Variants in VPS13D observed in about 807,000 individuals in gnomAD.
The protein encoded by VPS13D is intermembrane lipid transfer protein VPS13D.
Under a neutral mutation model 461.9 loss-of-function variants are expected in VPS13D, and 187 were observed. That is an observed-to-expected ratio of 0.40 (90% CI 0.36 to 0.46). The LOEUF (loss-of-function observed/expected upper bound fraction) is 0.46. VPS13D is among the 20% of genes least tolerant of loss of function. The pLI, the probability that VPS13D is intolerant of heterozygous loss-of-function variation, is 0.60. For synonymous variants in VPS13D, 1,951 were observed against 1,986.3 expected, an observed-to-expected ratio of 0.98 and a Z score of 0.47; for missense variants, 4,711 against 5,364.9, an observed-to-expected ratio of 0.88 and a Z score of 3.81.
intron 31 of VPS13D, among the ~76,000 whole-genome samples, 190 bp downstream of exon 31, chr1:12,318,527 A>C (rs1300227439): frequency 6.6e-6 from 1 of 152,112 alleles, no homozygotes; most frequent in Non-Finnish European, 1.5e-5. Flanking sequence ...GGCCCACTGA[A>C]GACTGCGGGG....
intron 35 of VPS13D, 146 bp from the exon 36 acceptor site, chr1:12,327,502 T>C (rs960579497): frequency 3.3e-5 from 7 of 212,732 alleles, no homozygotes; most frequent in Non-Finnish European, 5.8e-5. Flanking sequence ...CCTCCTTTTT[T>C]ATTAAGTCCA....
intron 10 of VPS13D, among the ~76,000 whole-genome samples, chr1:12,260,210 A>G (rs751407600): frequency 1.4e-4 from 22 of 151,774 alleles, no homozygotes; most frequent in Non-Finnish European, 2.6e-4. Context: ...TATTTTTAGT[A>G]GAGACGGGGT....
chr1:12,355,844 G>A (rs1643880822), intron 47 of VPS13D, 55 bp from the exon 48 acceptor site: 26 of 1,441,386 alleles, frequency 1.8e-5, no homozygotes, highest in South Asian at 6.3e-5. Flanking sequence ...TTTGCTGTGA[G>A]CTATTTTGAC....
chr1:12,423,821 CA>C (rs951194439), intron 65 of VPS13D, among the ~76,000 whole-genome samples: 5 of 152,184 alleles, frequency 3.3e-5, no homozygotes, highest in African/African-American at 4.8e-5. Context: ...GTTTAAGAAA[CA>C]GCATTTTTTG....
At chr1:12,483,388 G>A (rs957676838) in intron 67 of VPS13D, among the ~76,000 whole-genome samples, 5 of 152,094 alleles carry the variant, frequency 3.3e-5, no homozygotes, top group Admixed American at 3.3e-4. Context: ...TGTTTCAGTT[G>A]GCCATTTGGA....
Position 12,497,396 on chromosome 1 carries a change from A to C in VPS13D, c.12663-104A>C, listed in dbSNP as rs1570286319. On this transcript the variant is annotated intron_variant, in intron 67 of 69. Transcript: ENST00000620676. ...TAGGTTAATTCTGTTCACTAAATGT[A>C]AAGTATGTCTCGTATTACAGAGTGC... 8 of 1,373,736 alleles carry C rather than the reference A, an allele frequency of 5.8e-6. No individual in the cohort carries two copies. The East Asian group carries it at 2.0e-4, about 34-fold the overall frequency. The allele number at this position is 1,373,736 out of a possible 1,614,324, so 85.1% of individuals were successfully genotyped here.
chr1:12,391,380 G>A (rs1644424500), intron 60 of VPS13D, among the ~76,000 whole-genome samples: 1 of 152,208 alleles, frequency 6.6e-6, no homozygotes, highest in Non-Finnish European at 1.5e-5. Flanking sequence ...GAAGCCATCA[G>A]TGCAGGCTAG....
At position 12,349,759 on chromosome 1, in the gene VPS13D, A is replaced by G. The variant is rs143354491; in HGVS notation, c.9431+385A>G. Reference sequence around the variant, plus strand: ...GGAGTTTTTTGAATGAGAGATTTCAAAATAATTTGAAGGTTTATGTACCTC... The same window carrying G: ...GGAGTTTTTTGAATGAGAGATTTCAGAATAATTTGAAGGTTTATGTACCTC... On this transcript the variant is annotated intron_variant, in intron 46 of 69. Coordinates refer to ENST00000620676, the MANE Select transcript of VPS13D (RefSeq NM_015378.4). 2.6e-3 allele frequency among the ~76,000 whole-genome samples: 391 copies of G among 152,340 alleles called. 1 individual carries two copies. Among genetic ancestry groups the G allele is most frequent in the Admixed American group, 4.2e-3 (65 of 15,302 alleles).
At chr1:12,263,295 G>A (rs777983645) in intron 13 of VPS13D, among the ~76,000 whole-genome samples, 1 of 152,118 alleles carries the variant, frequency 6.6e-6, no homozygotes, top group Non-Finnish European at 1.5e-5. Flanking sequence ...ACCATGGGAG[G>A]GATGCTTGTT....
chr1:12,301,858 A>T (rs1642433069), intron 25 of VPS13D, among the ~76,000 whole-genome samples: 1 of 152,196 alleles, frequency 6.6e-6, no homozygotes, highest in East Asian at 1.9e-4. Context: ...GGAGATTCCA[A>T]GGGTCTTGGA....
chr1:12,363,389 T>G, intron 52 of VPS13D, 142 bp downstream of exon 52: 1 of 851,904 alleles, frequency 1.2e-6, no homozygotes, highest in Non-Finnish European at 1.8e-6. Context: ...CAGGGAAGTG[T>G]GAGGGGATAA....
chr1:12,348,985 T>C lies in VPS13D; in HGVS notation c.9220+12T>C. 6.2e-7 allele frequency: 1 copy of C among 1,614,154 alleles called. No homozygotes were observed. The highest frequency in any genetic ancestry group is 1.1e-5 in the South Asian group (1 of 91,078). On this transcript the variant is annotated intron_variant, in intron 45 of 69. Coordinates refer to ENST00000620676, the MANE Select transcript of VPS13D (RefSeq NM_015378.4). Reference sequence around the variant, plus strand: ...ATCAGCTCCAGACAGTATGTTTTGATTGTCTAGCATATAGTAAATGCTGAT... The same window carrying C: ...ATCAGCTCCAGACAGTATGTTTTGACTGTCTAGCATATAGTAAATGCTGAT...
rs1041356766 is a variant in VPS13D, at chr1:12,451,440, T to C, written c.12334-4558T>C. Among the ~76,000 whole-genome samples the C allele has an allele frequency of 3.9e-5, 6 of 152,350 alleles. No individual in the cohort carries two copies. In the East Asian group the frequency reaches 1.2e-3, roughly 29 times the overall value. On this transcript the variant is annotated intron_variant, in intron 65 of 69. Transcript: ENST00000620676. ...AGTGAAAGGAAGGGGAAAATCATTG[T>C]CTTTGTGAGTGTAACACTAGATTTT...
intron 65 of VPS13D, among the ~76,000 whole-genome samples, chr1:12,417,546 T>C (rs1205524126): frequency 6.6e-6 from 1 of 152,210 alleles, no homozygotes; most frequent in African/African-American, 2.4e-5. Context: ...TGAACTCATT[T>C]GGAGGAAACA....
At chr1:12,371,899 G>A (rs771605116) in intron 54 of VPS13D, among the ~76,000 whole-genome samples, 3 of 152,160 alleles carry the variant, frequency 2.0e-5, no homozygotes, top group Non-Finnish European at 4.4e-5. Context: ...GAAGAGTGGA[G>A]TTGCTGGGTT....
chr1:12,438,039 A>G (rs1317605669), intron 65 of VPS13D, among the ~76,000 whole-genome samples: 1 of 152,136 alleles, frequency 6.6e-6, no homozygotes, highest in Non-Finnish European at 1.5e-5. Flanking sequence ...GCACACCTTG[A>G]TGTGTGTTCC....
Position 12,369,392 on chromosome 1 carries a change from A to G in VPS13D, c.10573-75A>G, listed in dbSNP as rs184184126. 38 of 1,365,132 alleles carry G rather than the reference A, an allele frequency of 2.8e-5. No individual in the cohort carries two copies. The East Asian group carries it at 6.4e-4, about 23-fold the overall frequency. 84.6% of individuals were successfully genotyped at this position (1,365,132 alleles called of 1,614,324 possible). A position where few individuals can be genotyped will look rare whatever the true frequency, so the allele number is the denominator to read the frequency against. Reference sequence around the variant, plus strand: ...TAGGAAGGATTTGGAACTTAAACCTACAAAGCACTGACTCACTTTTCAGTA... The same window carrying G: ...TAGGAAGGATTTGGAACTTAAACCTGCAAAGCACTGACTCACTTTTCAGTA... On this transcript the variant is annotated intron_variant, in intron 53 of 69. Transcript: ENST00000620676.
At chr1:12,458,466 AC>A (rs1645358729) in intron 66 of VPS13D, among the ~76,000 whole-genome samples, 1 of 151,950 alleles carries the variant, frequency 6.6e-6, no homozygotes, top group East Asian at 1.9e-4. Context: ...ACTTTGGAAG[AC>A]CTAGAGGGAG....
intron 2 of VPS13D, among the ~76,000 whole-genome samples, chr1:12,235,384 C>T (rs750281451): frequency 6.6e-6 from 1 of 152,128 alleles, no homozygotes; most frequent in Non-Finnish European, 1.5e-5. Context: ...TGAGACCAGC[C>T]TGGCCAACAT....
Sources: allele counts gnomAD v4.1 joint callset (sites outside exome capture counted in the v4.1 genomes callset), GRCh38; gene constraint gnomAD v4.1.1; transcripts MANE v1.5; gene names NCBI Gene and HGNC (gene_info 2026-07-23, HGNC 2026-07-21).